Variants in SCN8A observed in about 807,000 individuals in gnomAD.
The protein encoded by SCN8A is sodium voltage-gated channel alpha subunit 8, also known as sodium channel protein type 8 subunit alpha.
In SCN8A, 30 loss-of-function variants were observed where a neutral mutation model predicts 184.1. The ratio of observed to expected loss-of-function variants is 0.16; its 90% CI spans 0.12 to 0.22. The LOEUF (loss-of-function observed/expected upper bound fraction) is 0.22. SCN8A is among the 10% of genes least tolerant of loss of function. SCN8A has a pLI of 1.00. For missense variants in SCN8A, 1,057 were observed against 2,498.9 expected (o/e 0.42, Z 12.30); for synonymous variants, 852 against 907.0 (o/e 0.94, Z 1.09).
intron 20 of SCN8A, among the ~76,000 whole-genome samples, chr12:51,779,453 C>T (rs918110028): frequency 2.0e-5 from 3 of 152,134 alleles, no homozygotes; most frequent in Non-Finnish European, 2.9e-5. Flanking sequence ...TTTGACCATA[C>T]GTCTAAGCCT....
At chr12:51,727,151 T>G (rs1306389894) in intron 12 of SCN8A, among the ~76,000 whole-genome samples, 2 of 152,184 alleles carry the variant, frequency 1.3e-5, no homozygotes, top group East Asian at 3.9e-4. Flanking sequence ...TTTAGGAGGT[T>G]GGAAGTCAGT....
intron 14 of SCN8A, among the ~76,000 whole-genome samples, chr12:51,760,226 A>G (rs987847844): frequency 2.0e-5 from 3 of 152,242 alleles, no homozygotes; most frequent in Admixed American, 6.5e-5. Context: ...CACAGTGCAA[A>G]CAAGAGCATC....
intron 25 of SCN8A, among the ~76,000 whole-genome samples, chr12:51,792,892 G>T (rs1007034961): frequency 6.6e-6 from 1 of 152,026 alleles, no homozygotes; most frequent in Non-Finnish European, 1.5e-5. Context: ...ACAGGCGCCT[G>T]CCACCATGCC....
intron 8 of SCN8A, among the ~76,000 whole-genome samples, chr12:51,701,784 A>G (rs1458147818): frequency 6.6e-6 from 1 of 152,160 alleles, no homozygotes; most frequent in Non-Finnish European, 1.5e-5. Flanking sequence ...TGCTTTGTAA[A>G]CAGAGGGCTT....
At chr12:51,800,552 C>T (rs898727759) in intron 26 of SCN8A, among the ~76,000 whole-genome samples, 1 of 152,208 alleles carries the variant, frequency 6.6e-6, no homozygotes, top group Non-Finnish European at 1.5e-5. Flanking sequence ...CATAATAGGC[C>T]TCACACTACC....
At chr12:51,637,613 C>T (rs146826294) in intron 1 of SCN8A, among the ~76,000 whole-genome samples, 11 of 152,288 alleles carry the variant, frequency 7.2e-5, no homozygotes, top group African/African-American at 2.4e-4. Flanking sequence ...TAATTCTCTC[C>T]AATTCTATGA....
At chr12:51,604,748 G>T (rs1939547813) in intron 1 of SCN8A, among the ~76,000 whole-genome samples, 1 of 151,988 alleles carries the variant, frequency 6.6e-6, no homozygotes, top group African/African-American at 2.4e-5. Flanking sequence ...TGGTCAGGCT[G>T]GTCTCAAACT....
intron 13 of SCN8A, among the ~76,000 whole-genome samples, chr12:51,746,779 C>T (rs1942517815): frequency 6.6e-6 from 1 of 152,198 alleles, no homozygotes; most frequent in South Asian, 2.1e-4. Flanking sequence ...GAATCAGCTC[C>T]TCTCCAGTTA....
chr12:51,651,999 A>G (rs887123902), intron 1 of SCN8A, among the ~76,000 whole-genome samples: 3 of 152,250 alleles, frequency 2.0e-5, no homozygotes, highest in Non-Finnish European at 2.9e-5. Flanking sequence ...GTTCCAAACA[A>G]GAAGACTAAA....
intron 1 of SCN8A, among the ~76,000 whole-genome samples, chr12:51,609,919 A>G (rs1041042613): frequency 1.3e-5 from 2 of 152,126 alleles, no homozygotes; most frequent in East Asian, 3.9e-4. Flanking sequence ...ACATGTATAC[A>G]TATGTAACAA....
At chr12:51,674,120 T>C (rs1941180460) in intron 2 of SCN8A, among the ~76,000 whole-genome samples, 1 of 152,160 alleles carries the variant, frequency 6.6e-6, no homozygotes, top group Non-Finnish European at 1.5e-5. Flanking sequence ...AGATAAAGCC[T>C]AGAGGCAGGT....
intron 1 of SCN8A, among the ~76,000 whole-genome samples, chr12:51,612,205 A>C (rs1384476860): frequency 6.6e-6 from 1 of 152,180 alleles, no homozygotes; most frequent in Non-Finnish European, 1.5e-5. Flanking sequence ...TCTGACAGCC[A>C]AGCTGGAGTG....
chr12:51,688,891 C>A (rs971456532), intron 5 of SCN8A, 114 bp from the exon 6 acceptor site: 2 of 1,564,364 alleles, frequency 1.3e-6, no homozygotes, highest in Admixed American at 1.7e-5. Flanking sequence ...GGGATAGGGC[C>A]CTGACGTGAC....
At chr12:51,737,533 A>G (rs999431017) in intron 12 of SCN8A, among the ~76,000 whole-genome samples, 1 of 152,198 alleles carries the variant, frequency 6.6e-6, no homozygotes, top group Non-Finnish European at 1.5e-5. Context: ...TCCAATTAAT[A>G]TCCCCTAGTA....
intron 12 of SCN8A, among the ~76,000 whole-genome samples, chr12:51,745,189 T>C (rs1942490316): frequency 6.6e-6 from 1 of 152,208 alleles, no homozygotes; most frequent in African/African-American, 2.4e-5. Context: ...ACAATCTGAT[T>C]ATACTTTCTG....
At chr12:51,638,055 C>T (rs1350843454) in intron 1 of SCN8A, among the ~76,000 whole-genome samples, 2 of 151,978 alleles carry the variant, frequency 1.3e-5, no homozygotes. Flanking sequence ...TCTACCTGTG[C>T]CCTATAAATG....
intron 11 of SCN8A, 51 bp downstream of exon 11, chr12:51,706,766 G>A (rs1941792907): frequency 7.7e-7 from 1 of 1,291,498 alleles, no homozygotes; most frequent in Non-Finnish European, 1.0e-6. Context: ...TTTTTATTAA[G>A]GTAAAATGTG....
chr12:51,636,451 A>G (rs1335782458), intron 1 of SCN8A, among the ~76,000 whole-genome samples: 1 of 152,212 alleles, frequency 6.6e-6, no homozygotes, highest in Non-Finnish European at 1.5e-5. Flanking sequence ...AAGGTGCTCC[A>G]TTTTATTGAC....
chr12:51,692,353 C>A, intron 6 of SCN8A, among the ~76,000 whole-genome samples: 1 of 152,194 alleles, frequency 6.6e-6, no homozygotes, highest in Non-Finnish European at 1.5e-5. Context: ...GCCGCCAGGA[C>A]TCCTGAAGAT....
Sources: allele counts gnomAD v4.1 joint callset (sites outside exome capture counted in the v4.1 genomes callset), GRCh38; gene constraint gnomAD v4.1.1; transcripts MANE v1.5; gene names NCBI Gene and HGNC (gene_info 2026-07-23, HGNC 2026-07-21).